Variants in ALG1L2 observed in about 807,000 individuals in gnomAD.
ALG1L2 encodes the protein ALG1 chitobiosyldiphosphodolichol beta-mannosyltransferase like 2.
Under a neutral mutation model 29.0 loss-of-function variants are expected in ALG1L2, and 32 were observed. That is an observed-to-expected ratio of 1.10 (90% CI 0.83 to 1.48). The LOEUF (loss-of-function observed/expected upper bound fraction) is 1.48. Ranked by LOEUF, ALG1L2 falls within the 40% of genes most tolerant of loss-of-function variation. The probability of loss-of-function intolerance (pLI) is 0.00; values close to 1 mark genes in which losing one functional copy is unlikely to be tolerated. For synonymous variants in ALG1L2, 110 were observed against 109.5 expected (o/e 1.00, Z -0.03); for missense variants, 318 against 274.1 (o/e 1.16, Z -1.13).
chr3:130,094,650 C>A, intron 5 of ALG1L2, 137 bp downstream of exon 5: 1 of 1,011,538 alleles, frequency 9.9e-7, no homozygotes, highest in Non-Finnish European at 1.4e-6. Context: ...GCTGAACTCC[C>A]GGGAGAAGGC....
chr3:130,088,007 A>T (rs1249160975), intron 1 of ALG1L2, among the ~76,000 whole-genome samples: 14 of 152,424 alleles, frequency 9.2e-5, no homozygotes, highest in Admixed American at 7.8e-4. Flanking sequence ...GTTGACAGGA[A>T]AGTTCTAGGC....
At chr3:130,098,191 G>A in intron 7 of ALG1L2, 32 bp from the exon 8 acceptor site, 1 of 1,596,182 alleles carries the variant, frequency 6.3e-7, no homozygotes, top group South Asian at 1.1e-5. Context: ...GATGGGGTGG[G>A]GACAGGCAAT....
chr3:130,088,534 C>T (rs529740866), intron 1 of ALG1L2, among the ~76,000 whole-genome samples: 117 of 152,408 alleles, frequency 7.7e-4, no homozygotes, highest in South Asian at 1.7e-3. Context: ...TTTCGTGCCT[C>T]AGCCTCCCAA....
rs1285307261 is a variant in ALG1L2, at chr3:130,091,287, C to T, written c.47C>T (p.Ala16Val). 6.3e-7 allele frequency: 1 copy of T among 1,599,400 alleles called. No homozygotes were observed. Among genetic ancestry groups the T allele is most frequent in the Admixed American group, 1.7e-5 (1 of 60,008 alleles). The change falls in exon 2 of 8, where the codon GCA becomes GTA. Residue 16 changes from alanine (A) to valine (V), a missense_variant. By Grantham distance (64) the Ala-to-Val change is moderately conservative. Transcript: ENST00000425059. ...GCTGTGACCGTCTACGACAAGCCGG[C>T]ATCTTTCTTTAAAGAGGCACCTCTG... ...GWAVTVYDKP[A>V]SFFKEAPLDL...
At chr3:130,094,577 C>CTTTTGGCTGGGGAAACGGGGGGGGGG in intron 5 of ALG1L2, 64 bp downstream of exon 5, 1 of 286,992 alleles carries the variant, frequency 3.5e-6, no homozygotes. Context: ...CAGGGGTGGG[C>CTTTTGGCTGGGGAAACGGGGGGGGGG]GGGGTGTACC....
chr3:130,096,200 T>G, intron 6 of ALG1L2, 37 bp downstream of exon 6: 2 of 1,603,166 alleles, frequency 1.2e-6, no homozygotes, highest in South Asian at 2.2e-5. Context: ...GGGGATAGCT[T>G]CACAGATCCA....
Position 130,088,555 on chromosome 3 carries a change from C to A in ALG1L2, c.21-2706C>A, listed in dbSNP as rs1005761685. On this transcript the variant is annotated intron_variant, in intron 1 of 7. Coordinates refer to ENST00000425059, the MANE Select transcript of ALG1L2 (RefSeq NM_001136152.1). ...GCCTCAGCCTCCCAAGAATCTGGGA[C>A]AACAGGCATGAGCCATTACGCCTGG... Among the ~76,000 whole-genome samples, 89 of 152,276 alleles carry A rather than the reference C, an allele frequency of 5.8e-4. 1 individual carries two copies. Among genetic ancestry groups the A allele is most frequent in the Non-Finnish European group, 6.0e-4 (41 of 68,054 alleles).
rs1279138716 is a variant in ALG1L2 at position 130,097,196 on chromosome 3, T to C, written c.561T>C (p.His187=). The C allele has an allele frequency of 6.2e-6, 10 of 1,611,752 alleles. No homozygotes were observed. Among genetic ancestry groups the C allele is most frequent in the African/African-American group, 1.3e-5 (1 of 74,836 alleles). Residue 187 remains histidine, a synonymous_variant, in exon 7 of 8, where the codon CAT becomes CAC. Transcript: ENST00000425059. Reference sequence around the variant, plus strand: ...GCAGTTTACATGAGCTGGTGAAACATGAAGAAAACCGCCTGGTCTTTGAGG... The same window carrying C: ...GCAGTTTACATGAGCTGGTGAAACACGAAGAAAACCGCCTGGTCTTTGAGG... ...NFKCLHELVK[H]EENRLVFEDS...
In ALG1L2 at chr3:130,091,363, C is replaced by T. The variant is rs143832537; in HGVS notation, c.123C>T (p.Phe41=). ...AGCTGGGCAGCACGCACTCTCCGTTCAGGGCCCGGTAGGCCTCCCACCCTC... is the reference window on the plus strand; with the variant it reads ...AGCTGGGCAGCACGCACTCTCCGTTTAGGGCCCGGTAGGCCTCCCACCCTC... The part of the protein sequence containing the change: ...FMKLGSTHSP[F]RARSEPEDPD... Residue 41 remains phenylalanine, a synonymous_variant, in exon 2 of 8, where the codon TTC becomes TTT. Coordinates refer to ENST00000425059, the MANE Select transcript of ALG1L2 (RefSeq NM_001136152.1). 7.2e-4 allele frequency: 1,147 copies of T among 1,596,926 alleles called. 5 individuals are homozygous for T. Among genetic ancestry groups the T allele is most frequent in the African/African-American group, 4.3e-3 (320 of 74,968 alleles).
Position 130,092,133 on chromosome 3 carries a change from C to A in ALG1L2, c.164C>A (p.Ser55Ter), listed in dbSNP as rs766460351. 1.2e-6 allele frequency: 2 copies of A among 1,613,602 alleles called. No individual in the cohort carries two copies. The highest frequency in any genetic ancestry group is 1.7e-6 in the Non-Finnish European group (2 of 1,179,834). Residue 55 changes from serine to a stop codon, truncating the protein, a stop_gained, in exon 3 of 8, where the codon TCG becomes TAG. Coordinates refer to ENST00000425059, the MANE Select transcript of ALG1L2 (RefSeq NM_001136152.1). LOFTEE classifies it high-confidence loss of function. ...SEPEDPDTER[S>*]AFTERDSGSG... is the part of the protein sequence containing the mutation. ...CCTGAGGACCCAGACACAGAGCGGT[C>A]GGCCTTCACGGAGCGGGATTCTGGG...
At chr3:130,091,819 C>T (rs1459775641) in intron 2 of ALG1L2, 12 of 648,822 alleles carry the variant, frequency 1.8e-5, no homozygotes, top group East Asian at 9.9e-5. Context: ...TGTGGGAGGG[C>T]GTCCTAGCAC....
intron 1 of ALG1L2, among the ~76,000 whole-genome samples, chr3:130,084,869 A>ATATGTC (rs1553719078): frequency 8.3e-6 from 1 of 120,684 alleles, no homozygotes; most frequent in Non-Finnish European, 1.9e-5. Flanking sequence ...TCCCCTTTCC[A>ATATGTC]TATATCTATG....
Position 130,093,148 on chromosome 3 carries a change from T to A in ALG1L2, c.301T>A (p.Cys101Ser). 6.2e-7 allele frequency: 1 copy of A among 1,611,552 alleles called. No homozygotes were observed. The highest frequency in any genetic ancestry group is 8.5e-7 in the Non-Finnish European group (1 of 1,179,636). Residue 101 changes from cysteine (C) to serine (S), a missense_variant, in exon 4 of 8, where the codon TGT becomes AGT. Coordinates refer to ENST00000425059, the MANE Select transcript of ALG1L2 (RefSeq NM_001136152.1). The stretch of plus-strand genomic sequence containing the variant: ...CGGACAGAACCTTCCTTCTCTCGTC[T>A]GTGTGATAACAGGTACTGCCTGGGA... ...LDGQNLPSLVCVITGKGPLRE... is the reference protein window; with the variant it reads ...LDGQNLPSLVSVITGKGPLRE...
intron 5 of ALG1L2, among the ~76,000 whole-genome samples, chr3:130,095,502 C>A (rs1432725288): frequency 6.6e-6 from 1 of 151,768 alleles, no homozygotes; most frequent in Non-Finnish European, 1.5e-5. Context: ...ATGGTGCGAT[C>A]TTGGCTCACT....
chr3:130,096,333 CACT>C (rs1223568781), intron 6 of ALG1L2, among the ~76,000 whole-genome samples, 170 bp downstream of exon 6: 2 of 152,074 alleles, frequency 1.3e-5, no homozygotes, highest in Admixed American at 6.6e-5. Flanking sequence ...GGCTGAGCCT[CACT>C]GAAGTAGTTG....
In ALG1L2 at chr3:130,093,036, A is replaced by G. The variant is rs1935053104; in HGVS notation, c.254-65A>G. 4.0e-6 allele frequency: 5 copies of G among 1,249,306 alleles called. No individual in the cohort carries two copies. The East Asian group carries it at 1.1e-4, about 27-fold the overall frequency. 77.4% of individuals were successfully genotyped at this position (1,249,306 alleles called of 1,614,324 possible). A position where few individuals can be genotyped will look rare whatever the true frequency, so the allele number is the denominator to read the frequency against. ...CAGAGCGAGAGTCTGTCAGAAAAAA[A>G]AAAAAAAAAAAAAAAAAATTAAATC... On this transcript the variant is annotated intron_variant, in intron 3 of 7. Transcript: ENST00000425059.
At chr3:130,096,939 T>C (rs1300941606) in intron 6 of ALG1L2, among the ~76,000 whole-genome samples, 2 of 152,174 alleles carry the variant, frequency 1.3e-5, no homozygotes, top group Non-Finnish European at 2.9e-5. Context: ...GCACAGAAGG[T>C]ACAAACCTTC....
chr3:130,096,020 G>T (rs9758049), intron 5 of ALG1L2, 29 bp from the exon 6 acceptor site: 1 of 1,590,636 alleles, frequency 6.3e-7, no homozygotes, highest in East Asian at 2.3e-5. Context: ...AGAGACCAGC[G>T]CTCTGGCCAC....
At chr3:130,083,582 G>A (rs201864975) in intron 1 of ALG1L2, among the ~76,000 whole-genome samples, 3,034 of 47,338 alleles carry the variant, frequency 0.064, 40 homozygotes, top group Middle Eastern at 0.19. Flanking sequence ...TTTGAGTCCA[G>A]TGTTCCTATT....
Sources: gnomAD v4.1 joint callset for allele counts (sites outside exome capture counted in the v4.1 genomes callset) on GRCh38, gnomAD v4.1.1 for gene constraint, MANE v1.5 for transcripts, NCBI Gene and HGNC (gene_info 2026-07-23, HGNC 2026-07-21) for gene names.